Variants in RASSF3 observed in about 807,000 individuals in gnomAD.
RASSF3 encodes the protein Ras association domain family member 3.
Under a neutral mutation model 19.9 loss-of-function variants are expected in RASSF3, and 19 were observed. The ratio of observed to expected loss-of-function variants is 0.96; its 90% CI spans 0.67 to 1.40. RASSF3 has a LOEUF of 1.40. RASSF3 is among the 40% of genes most tolerant of loss of function. RASSF3 has a pLI of 0.00. For missense variants in RASSF3, 306 were observed against 289.8 expected (o/e 1.06, Z -0.41); for synonymous variants, 110 against 104.2 (o/e 1.06, Z -0.34).
chr12:64,525,606 T>C (rs1868567645), intron 1 of RASSF3, among the ~76,000 whole-genome samples: 1 of 152,178 alleles, frequency 6.6e-6, no homozygotes, highest in African/African-American at 2.4e-5. Flanking sequence ...TCCATCTCAT[T>C]GGCCTACTTA....
chr12:64,529,684 A>T (rs1427045837), upstream of RASSF3, among the ~76,000 whole-genome samples: 1 of 152,196 alleles, frequency 6.6e-6, no homozygotes, highest in Non-Finnish European at 1.5e-5. Context: ...TATACTTATC[A>T]GTATGTGAGC....
chr12:64,692,097 C>T (rs1484824010), intron 4 of RASSF3, among the ~76,000 whole-genome samples: 1 of 152,086 alleles, frequency 6.6e-6, no homozygotes, highest in Non-Finnish European at 1.5e-5. Flanking sequence ...TTTCCATGTG[C>T]ATCATTTGCC....
chr12:64,576,428 T>C (rs932032598), intron 2 of RASSF3, among the ~76,000 whole-genome samples: 2 of 152,072 alleles, frequency 1.3e-5, no homozygotes, highest in Non-Finnish European at 2.9e-5. Flanking sequence ...ACTAAAACAA[T>C]AAAGATTCTA....
At chr12:64,648,065 T>A (rs1396086983) in intron 1 of RASSF3, among the ~76,000 whole-genome samples, 2 of 152,202 alleles carry the variant, frequency 1.3e-5, no homozygotes, top group Non-Finnish European at 2.9e-5. Context: ...AGCTGTGCTT[T>A]GCAAAGTGGC....
At chr12:64,601,831 T>TA (rs1565846953) in intron 2 of RASSF3, among the ~76,000 whole-genome samples, 2 of 150,678 alleles carry the variant, frequency 1.3e-5, no homozygotes, top group Non-Finnish European at 3.0e-5. Context: ...AATTAAGAAA[T>TA]ATAAGGCCGG....
upstream of RASSF3, among the ~76,000 whole-genome samples, chr12:64,529,870 G>C (rs765724748): frequency 2.6e-5 from 4 of 152,098 alleles, no homozygotes; most frequent in African/African-American, 7.2e-5. Context: ...AGAAGAGAGA[G>C]GTTTCAGAGG....
intron 1 of RASSF3, among the ~76,000 whole-genome samples, chr12:64,655,352 A>G (rs1872117599): frequency 6.6e-6 from 1 of 152,232 alleles, no homozygotes; most frequent in Non-Finnish European, 1.5e-5. Context: ...CTTTGATAAG[A>G]GAGAGGCAGG....
intron 1 of RASSF3, among the ~76,000 whole-genome samples, chr12:64,661,542 G>A (rs1872358841): frequency 4.6e-5 from 7 of 151,964 alleles, no homozygotes; most frequent in Admixed American, 4.6e-4. Flanking sequence ...AACCCTGTTT[G>A]TTCCTTTCAT....
chr12:64,510,674 A>C (rs563986995), intron 1 of RASSF3, among the ~76,000 whole-genome samples: 1 of 152,306 alleles, frequency 6.6e-6, no homozygotes, highest in Admixed American at 6.5e-5. Flanking sequence ...TCAAGGCATG[A>C]TTTAGGAAGA....
chr12:64,601,497 A>G (rs928646349), intron 2 of RASSF3, among the ~76,000 whole-genome samples: 1 of 152,158 alleles, frequency 6.6e-6, no homozygotes, highest in East Asian at 1.9e-4. Context: ...TGTTTAAAAA[A>G]TTTCAATTAC....
chr12:64,683,446 G>T (rs962239256), intron 1 of RASSF3, among the ~76,000 whole-genome samples: 1 of 152,164 alleles, frequency 6.6e-6, no homozygotes, highest in Non-Finnish European at 1.5e-5. Context: ...GGATTTAACC[G>T]ATATTTCTCC....
intron 2 of RASSF3, among the ~76,000 whole-genome samples, chr12:64,567,115 G>C (rs946869165): frequency 1.3e-5 from 2 of 152,238 alleles, no homozygotes; most frequent in African/African-American, 4.8e-5. Flanking sequence ...GGCCTGGTTA[G>C]AGGAAACCTG....
intron 1 of RASSF3, among the ~76,000 whole-genome samples, chr12:64,632,397 G>T (rs1871197663): frequency 1.3e-5 from 2 of 152,164 alleles, no homozygotes; most frequent in African/African-American, 4.8e-5. Context: ...TCAGACCTAT[G>T]ATTTTAAAAC....
intron 1 of RASSF3, among the ~76,000 whole-genome samples, chr12:64,535,385 GAC>G (rs1006044878): frequency 3.3e-5 from 5 of 151,454 alleles, no homozygotes; most frequent in African/African-American, 1.2e-4. Context: ...CTTTTTTGGA[GAC>G]ACAGTCTTGC....
chr12:64,621,866 G>A (rs547137640), intron 1 of RASSF3, among the ~76,000 whole-genome samples: 2 of 152,280 alleles, frequency 1.3e-5, no homozygotes, highest in Admixed American at 1.3e-4. Context: ...CATGGGAAAG[G>A]CATTGCTAAG....
intron 2 of RASSF3, among the ~76,000 whole-genome samples, chr12:64,574,700 G>A (rs963703978): frequency 1.5e-4 from 23 of 152,312 alleles, no homozygotes; most frequent in African/African-American, 5.3e-4. Context: ...GAAATGCGTA[G>A]AACATGAGTT....
At chr12:64,684,294 C>A (rs1007740950) in intron 1 of RASSF3, among the ~76,000 whole-genome samples, 6 of 151,610 alleles carry the variant, frequency 4.0e-5, no homozygotes, top group Admixed American at 2.0e-4. Context: ...TCATGTTGCC[C>A]AGCCTGGTCA....
chr12:64,553,462 A>C (rs1338323745), intron 2 of RASSF3, among the ~76,000 whole-genome samples: 1 of 152,128 alleles, frequency 6.6e-6, no homozygotes, highest in African/African-American at 2.4e-5. Context: ...AAGAAGATAG[A>C]TGCTTCAGGA....
chr12:64,543,790 T>C (rs1452395241), downstream of RASSF3, among the ~76,000 whole-genome samples: 1 of 151,774 alleles, frequency 6.6e-6, no homozygotes, highest in Non-Finnish European at 1.5e-5. Flanking sequence ...GCTCTCAGTA[T>C]CTAGCTCAAG....
Sources: gnomAD v4.1 joint callset for allele counts (sites outside exome capture counted in the v4.1 genomes callset) on GRCh38, gnomAD v4.1.1 for gene constraint, MANE v1.5 for transcripts, NCBI Gene and HGNC (gene_info 2026-07-23, HGNC 2026-07-21) for gene names.